HS3ST3A1: variants seen among roughly 807,000 people sequenced by gnomAD.
HS3ST3A1 encodes the protein heparan sulfate glucosamine 3-O-sulfotransferase 3A1.
A neutral mutation model predicts 25.7 loss-of-function variants in HS3ST3A1; 19 were observed. The observed-to-expected ratio is 0.74, with a 90% CI of 0.52 to 1.08. HS3ST3A1 has a LOEUF of 1.08. Among genes scored for constraint, HS3ST3A1 ranks in the 50% least tolerant of loss-of-function variants. The pLI is 0.00. For missense variants in HS3ST3A1, 459 were observed against 594.3 expected (o/e 0.77, Z 2.37); for synonymous variants, 226 against 278.6 (o/e 0.81, Z 1.88).
At chr17:13,582,239 T>C (rs1311984093) in intron 1 of HS3ST3A1, among the ~76,000 whole-genome samples, 2 of 152,178 alleles carry the variant, frequency 1.3e-5, no homozygotes, top group Middle Eastern at 3.2e-3. Flanking sequence ...AAAAAGAACT[T>C]TCTGTTTTCA....
intron 1 of HS3ST3A1, among the ~76,000 whole-genome samples, chr17:13,555,002 G>C (rs1017816173): frequency 6.6e-6 from 1 of 152,184 alleles, no homozygotes; most frequent in South Asian, 2.1e-4. Context: ...TCAGCAGCAC[G>C]TGCCTGATTT....
At chr17:13,582,055 A>G (rs1010818766) in intron 1 of HS3ST3A1, among the ~76,000 whole-genome samples, 1 of 152,218 alleles carries the variant, frequency 6.6e-6, no homozygotes, top group Non-Finnish European at 1.5e-5. Context: ...ACACAAAAAA[A>G]GACTTTCCTG....
At chr17:13,563,722 C>T (rs1346411254) in intron 1 of HS3ST3A1, among the ~76,000 whole-genome samples, 6 of 152,134 alleles carry the variant, frequency 3.9e-5, no homozygotes, top group South Asian at 4.1e-4. Context: ...TCAAAGGACA[C>T]GCACAAGTCC....
At chr17:13,572,883 A>G (rs75136557) in intron 1 of HS3ST3A1, among the ~76,000 whole-genome samples, 200 of 152,336 alleles carry the variant, frequency 1.3e-3, no homozygotes, top group Admixed American at 2.1e-3. Flanking sequence ...AAAATTGTAT[A>G]TATTGAATTA....
intron 1 of HS3ST3A1, among the ~76,000 whole-genome samples, chr17:13,545,930 T>C (rs1364501564): frequency 1.3e-5 from 2 of 151,916 alleles, no homozygotes; most frequent in Non-Finnish European, 2.9e-5. Context: ...TGAACCGAGA[T>C]TGTGTCACTG....
intron 1 of HS3ST3A1, among the ~76,000 whole-genome samples, chr17:13,506,900 A>AT (rs1367414115): frequency 7.1e-5 from 10 of 141,796 alleles, no homozygotes; most frequent in African/African-American, 2.7e-4. Context: ...CTACTAAAAT[A>AT]CAAAAAAAAA....
intron 1 of HS3ST3A1, among the ~76,000 whole-genome samples, chr17:13,560,514 C>A (rs948445484): frequency 1.3e-5 from 2 of 151,910 alleles, no homozygotes; most frequent in Non-Finnish European, 2.9e-5. Context: ...ATAATACAAT[C>A]ATCATACTCA....
At chr17:13,575,734 A>G (rs900527110) in intron 1 of HS3ST3A1, among the ~76,000 whole-genome samples, 1 of 152,240 alleles carries the variant, frequency 6.6e-6, no homozygotes, top group African/African-American at 2.4e-5. Context: ...CCGAAAGCCC[A>G]GCAGGTTTAG....
chr17:13,559,854 T>C (rs1429919994), intron 1 of HS3ST3A1, among the ~76,000 whole-genome samples: 1 of 151,900 alleles, frequency 6.6e-6, no homozygotes, highest in Non-Finnish European at 1.5e-5. Flanking sequence ...TTTGCTTAGG[T>C]TGTACAATTA....
At position 13,600,877 on chromosome 17, in the gene HS3ST3A1, C is replaced by T. The variant is rs60532842; in HGVS notation, c.253G>A (p.Ala85Thr). Residue 85 changes from alanine (A) to threonine (T), a missense_variant, in exon 1 of 2, where the codon GCA becomes ACA. By Grantham distance (58) the Ala-to-Thr change is moderately conservative. Around this residue, in one of 3 missense-constraint regions of HS3ST3A1, gnomAD observed 346 missense variants for 303.9 expected, o/e 1.14. Coordinates refer to ENST00000284110, the MANE Select transcript of HS3ST3A1 (RefSeq NM_006042.3). ...AGTTGCAGGAGGCGCTTTCTCTGTGCCGCCGCCGGCCACACCGCCAGCTCC... is the reference window on the plus strand; with the variant it reads ...AGTTGCAGGAGGCGCTTTCTCTGTGTCGCCGCCGGCCACACCGCCAGCTCC... ...PRELAVWPAA[A>T]QRKRLLQLPQ... is the part of the protein sequence containing the mutation. The T allele has an allele frequency of 5.3e-5, 77 of 1,464,786 alleles. No individual in the cohort carries two copies. The highest frequency in any genetic ancestry group is 6.5e-5 in the Non-Finnish European group (73 of 1,116,742). The allele number at this position is 1,464,786 out of a possible 1,614,324, so 90.7% of individuals were successfully genotyped here. A position where few individuals can be genotyped will look rare whatever the true frequency, so the allele number is the denominator to read the frequency against.
At chr17:13,527,653 T>C (rs1291211149) in intron 1 of HS3ST3A1, among the ~76,000 whole-genome samples, 1 of 152,192 alleles carries the variant, frequency 6.6e-6, no homozygotes, top group Non-Finnish European at 1.5e-5. Flanking sequence ...CAGCAGCTTC[T>C]AGGAAGACTG....
At chr17:13,566,499 T>A (rs1422823800) in intron 1 of HS3ST3A1, among the ~76,000 whole-genome samples, 1 of 152,348 alleles carries the variant, frequency 6.6e-6, no homozygotes, top group Non-Finnish European at 1.5e-5. Context: ...TCCCTCACTT[T>A]AAATCAAAAG....
chr17:13,544,777 A>AG (rs1329531855), intron 1 of HS3ST3A1, among the ~76,000 whole-genome samples: 1 of 151,474 alleles, frequency 6.6e-6, no homozygotes, highest in Non-Finnish European at 1.5e-5. Flanking sequence ...CCTCCAGGAA[A>AG]AAAAAAAAAG....
At chr17:13,599,583 A>G (rs1184453270) in intron 1 of HS3ST3A1, among the ~76,000 whole-genome samples, 2 of 152,166 alleles carry the variant, frequency 1.3e-5, no homozygotes, top group Non-Finnish European at 2.9e-5. Context: ...TGGTACTTTG[A>G]AGAAAGAAAA....
chr17:13,585,853 T>C lies in HS3ST3A1; in HGVS notation c.599+14678A>G, dbSNP rs887719569. Among the ~76,000 whole-genome samples the C allele has an allele frequency of 1.8e-4, 25 of 138,926 alleles. 4 individuals carry two copies. The highest frequency in any genetic ancestry group is 3.9e-4 in the Non-Finnish European group (25 of 64,046). The allele number at this position is 138,926 out of a possible 152,430, so 91.1% of individuals were successfully genotyped here. ...TCCTCCTTCTGCGTTTTTTTTTTTT[T>C]TTTTTTTTTTTTTTCTGACAGAGTC... On this transcript the variant is annotated intron_variant, in intron 1 of 1. Transcript: ENST00000284110.
At position 13,525,117 on chromosome 17, in the gene HS3ST3A1, C is replaced by G. The variant is rs185531147; in HGVS notation, c.600-28299G>C. Among the ~76,000 whole-genome samples, 269 of 152,174 alleles carry G rather than the reference C, an allele frequency of 1.8e-3. 1 individual carries two copies. Among genetic ancestry groups the G allele is most frequent in the Admixed American group, 4.6e-3 (70 of 15,282 alleles). On this transcript the variant is annotated intron_variant, in intron 1 of 1. Transcript: ENST00000284110. ...CTGCATACTCGCAAGTCTGGTAAGTCAGCTTTGACCATCCTACATTTTTAA... is the reference window on the plus strand; with the variant it reads ...CTGCATACTCGCAAGTCTGGTAAGTGAGCTTTGACCATCCTACATTTTTAA...
intron 1 of HS3ST3A1, among the ~76,000 whole-genome samples, chr17:13,550,076 T>C (rs1598423464): frequency 1.3e-5 from 2 of 152,196 alleles, no homozygotes; most frequent in East Asian, 3.9e-4. Context: ...CATTGTGAAT[T>C]TGCTAAATGT....
chr17:13,549,482 T>C (rs1016211710), intron 1 of HS3ST3A1, among the ~76,000 whole-genome samples: 1 of 152,224 alleles, frequency 6.6e-6, no homozygotes, highest in African/African-American at 2.4e-5. Context: ...GCTCAGCCTC[T>C]GAGCTCTCTT....
intron 1 of HS3ST3A1, among the ~76,000 whole-genome samples, chr17:13,543,844 A>C (rs1046534477): frequency 1.3e-5 from 2 of 152,192 alleles, no homozygotes; most frequent in African/African-American, 4.8e-5. Context: ...GAAGCATCAC[A>C]AAGAATGTTG....
Sources: gnomAD v4.1 joint callset for allele counts (sites outside exome capture counted in the v4.1 genomes callset) on GRCh38, gnomAD v4.1.1 for gene constraint, gnomAD v4.1.1 regional missense constraint, MANE v1.5 for transcripts, NCBI Gene and HGNC (gene_info 2026-07-23, HGNC 2026-07-21) for gene names.